Variants in ZZEF1 observed in about 807,000 individuals in gnomAD.
The protein encoded by ZZEF1 is zinc finger ZZ-type and EF-hand domain-containing protein 1.
In ZZEF1, 157 loss-of-function variants were observed where a neutral mutation model predicts 342.8. That is an observed-to-expected ratio of 0.46 (90% CI 0.40 to 0.52). The LOEUF (loss-of-function observed/expected upper bound fraction) is 0.52. Ranked by LOEUF, ZZEF1 falls within the 20% of genes least tolerant of loss-of-function variation. The pLI, the probability that ZZEF1 is intolerant of heterozygous loss-of-function variation, is 0.00. For synonymous variants in ZZEF1, 1,505 were observed against 1,429.1 expected, an observed-to-expected ratio of 1.05 and a Z score of -1.20; for missense variants, 3,480 against 3,725.6, an observed-to-expected ratio of 0.93 and a Z score of 1.72.
intron 3 of ZZEF1, among the ~76,000 whole-genome samples, chr17:4,115,202 T>A (rs1309283100): frequency 6.6e-6 from 1 of 152,048 alleles, no homozygotes; most frequent in South Asian, 2.1e-4. Flanking sequence ...TTTTAAAAAT[T>A]TTTTGGAGAG....
rs10522603 is a variant in ZZEF1, at chr17:4,087,783, A to AACACACACACACACACAC, written c.2242-267_2242-250dup. On this transcript the variant is annotated intron_variant, in intron 13 of 54. Coordinates refer to ENST00000381638, the MANE Select transcript of ZZEF1 (RefSeq NM_015113.4). ...TAAGTGTATATAGATATATACACAC[A>AACACACACACACACACAC]ACACACACACACACACACACACACA... 2.6e-3 allele frequency among the ~76,000 whole-genome samples: 379 copies of AACACACACACACACACAC among 146,064 alleles called. 2 individuals are homozygous for AACACACACACACACACAC. The highest frequency in any genetic ancestry group is 8.0e-3 in the African/African-American group (306 of 38,216).
At position 4,058,102 on chromosome 17, in the gene ZZEF1, T is replaced by C; in HGVS notation, c.5057A>G (p.Asp1686Gly). Residue 1686 changes from aspartate to glycine, a missense_variant, in exon 32 of 55, where the codon GAT (aspartate) becomes GGT (glycine). Coordinates refer to ENST00000381638, the MANE Select transcript of ZZEF1 (RefSeq NM_015113.4). The stretch of plus-strand genomic sequence containing the variant: ...GAGATCATTGGGTTCCCAGCCCATA[T>C]CCAAAAGATGAAGCAGGGCTGTCTG... ...CVQTALLHLLDMGWEPNDLAF... is the reference protein window; with the variant it reads ...CVQTALLHLLGMGWEPNDLAF... 1.2e-6 allele frequency: 2 copies of C among 1,614,018 alleles called. No individual in the cohort carries two copies. The highest frequency in any genetic ancestry group is 1.7e-6 in the Non-Finnish European group (2 of 1,179,954).
At chr17:4,013,730 C>A in intron 51 of ZZEF1, 116 bp from the exon 52 acceptor site, 1 of 1,158,724 alleles carries the variant, frequency 8.6e-7, no homozygotes. Context: ...ATAAACTGCT[C>A]AAATTTTAAT....
intron 49 of ZZEF1, among the ~76,000 whole-genome samples, chr17:4,015,689 G>A (rs891462519): frequency 1.3e-5 from 2 of 151,576 alleles, no homozygotes; most frequent in Non-Finnish European, 1.5e-5. Flanking sequence ...ACTTGAATTC[G>A]GGAGGTGGAG....
At chr17:4,106,294 G>A (rs2058211878) in intron 6 of ZZEF1, among the ~76,000 whole-genome samples, 1 of 152,062 alleles carries the variant, frequency 6.6e-6, no homozygotes, top group Admixed American at 6.6e-5. Flanking sequence ...TAGTTTAATA[G>A]GGTTTTGTGT....
chr17:4,050,817 C>T lies in ZZEF1; in HGVS notation c.5827G>A (p.Val1943Ile), dbSNP rs138947298. 233 of 1,614,146 alleles carry T rather than the reference C, an allele frequency of 1.4e-4. No homozygotes were observed. The East Asian group carries it at 3.3e-3, about 23-fold the overall frequency. Residue 1943 changes from valine to isoleucine, a missense_variant, in exon 36 of 55, where the codon GTC becomes ATC. By Grantham distance (29) the Val-to-Ile change is conservative. This residue lies in a region of ZZEF1 where 1,269 missense variants were observed against 1,342.4 expected (regional missense o/e 0.95). Coordinates refer to ENST00000381638, the MANE Select transcript of ZZEF1 (RefSeq NM_015113.4). ...TTLRSQCMQLVGDCLMKAHQG... is the reference protein window; with the variant it reads ...TTLRSQCMQLIGDCLMKAHQG... ...TGAGCCTTCATCAGACAGTCCCCGA[C>T]GAGCTGCATGCACTGGCTCCGCAGG...
At chr17:4,036,815 ACACTCTCTCTCTCT>A (rs772588644) in intron 39 of ZZEF1, among the ~76,000 whole-genome samples, 4,956 of 78,482 alleles carry the variant, frequency 0.063, 123 homozygotes, top group Admixed American at 0.13. Flanking sequence ...ACACACACAC[ACACTCTCTCTCTCT>A]CTCTCTCTCT....
intron 6 of ZZEF1, among the ~76,000 whole-genome samples, chr17:4,106,294 G>C (rs2058211878): frequency 6.6e-6 from 1 of 152,062 alleles, no homozygotes; most frequent in South Asian, 2.1e-4. Flanking sequence ...TAGTTTAATA[G>C]GGTTTTGTGT....
intron 14 of ZZEF1, among the ~76,000 whole-genome samples, 188 bp downstream of exon 14, chr17:4,087,246 G>A (rs2057849553): frequency 6.6e-6 from 1 of 152,034 alleles, no homozygotes; most frequent in Non-Finnish European, 1.5e-5. Context: ...TCCTTGACCT[G>A]CTTACTACTG....
At chr17:4,075,464 T>G (rs1597853792) in intron 21 of ZZEF1, 35 bp from the exon 22 acceptor site, 13 of 1,606,634 alleles carry the variant, frequency 8.1e-6, no homozygotes, top group Non-Finnish European at 1.1e-5. Context: ...AAAGAAAGGT[T>G]CTATCACTAG....
intron 6 of ZZEF1, 144 bp downstream of exon 6, chr17:4,109,509 G>C: frequency 2.6e-6 from 2 of 767,558 alleles, no homozygotes; most frequent in African/African-American, 1.7e-5. Context: ...TGAGTGGCAC[G>C]AACAGGAAAC....
rs376020856 is a variant in ZZEF1, at chr17:4,041,050, C to G, written c.6306+1379G>C. On this transcript the variant is annotated intron_variant, in intron 39 of 54. Transcript: ENST00000381638. ...ACAAAGGCTCCGGCTGATGTGCCTG[C>G]TCAGCCTCCAAAGGTTGGGGAGGGC... is the stretch of plus-strand genomic sequence containing the variant. Among the ~76,000 whole-genome samples the G allele has an allele frequency of 4.1e-3, 631 of 152,286 alleles. 3 individuals carry two copies. The highest frequency in any genetic ancestry group is 9.7e-3 in the South Asian group (47 of 4,824).
chr17:4,074,440 A>C, intron 23 of ZZEF1, 89 bp from the exon 24 acceptor site: 2 of 1,345,196 alleles, frequency 1.5e-6, no homozygotes, highest in Non-Finnish European at 2.1e-6. Flanking sequence ...GAAACATCTC[A>C]GTTTAAAATT....
At chr17:4,078,325 T>C (rs1346084815) in intron 18 of ZZEF1, among the ~76,000 whole-genome samples, 3 of 152,176 alleles carry the variant, frequency 2.0e-5, no homozygotes, top group Non-Finnish European at 4.4e-5. Flanking sequence ...CTTCTTTCTC[T>C]TACATCTTAA....
rs1293148016 is a variant in ZZEF1, at chr17:4,010,523, A to G, written c.8580-766T>C. ...ATCACGAGGTCAGGAGTTGGCCAGG[A>G]GACCAGCCTGGCCAACACAGTGAAA... On this transcript the variant is annotated intron_variant, in intron 52 of 54. Transcript: ENST00000381638. 4.6e-5 allele frequency among the ~76,000 whole-genome samples: 7 copies of G among 152,106 alleles called. No homozygotes were observed. In the East Asian group the frequency reaches 9.6e-4, roughly 21 times the overall value.
Position 4,078,025 on chromosome 17 carries a change from G to A in ZZEF1, c.2847C>T (p.Leu949=). ...VAARECELLM[L]SGAPGEVGSV... ...AGCCCACCTCCCCTGGGGCCCCACT[G>A]AGCATTAACAGCTCGCACTACAAGG... The change falls in exon 19 of 55, where the codon CTC becomes CTT. Residue 949 remains leucine (L), a synonymous_variant. Coordinates refer to ENST00000381638, the MANE Select transcript of ZZEF1 (RefSeq NM_015113.4). 2 of 1,613,888 alleles carry A rather than the reference G, an allele frequency of 1.2e-6. No homozygotes were observed. The highest frequency in any genetic ancestry group is 1.7e-5 in the Admixed American group (1 of 60,006).
intron 39 of ZZEF1, among the ~76,000 whole-genome samples, chr17:4,036,091 A>AC (rs2056656219): frequency 1.3e-5 from 2 of 151,774 alleles, no homozygotes. Context: ...AAAAAAAAAA[A>AC]AAAAGAGTCG....
At chr17:4,074,808 C>T (rs1057190185) in intron 23 of ZZEF1, among the ~76,000 whole-genome samples, 2 of 152,254 alleles carry the variant, frequency 1.3e-5, no homozygotes, top group Admixed American at 6.5e-5. Context: ...AGGATGAAGG[C>T]TCTTCATTTA....
chr17:4,071,043 T>C, intron 25 of ZZEF1, 119 bp from the exon 26 acceptor site: 1 of 1,210,708 alleles, frequency 8.3e-7, no homozygotes, highest in Non-Finnish European at 1.1e-6. Context: ...TCCGGAAGTT[T>C]AAATCTATTT....
Sources: gnomAD v4.1 joint callset for allele counts (sites outside exome capture counted in the v4.1 genomes callset) on GRCh38, gnomAD v4.1.1 for gene constraint, gnomAD v4.1.1 regional missense constraint, MANE v1.5 for transcripts, NCBI Gene and HGNC (gene_info 2026-07-23, HGNC 2026-07-21) for gene names.